ANKS1B: variants seen among roughly 807,000 people sequenced by gnomAD.
ANKS1B encodes the protein ankyrin repeat and sterile alpha motif domain containing 1B, also known as ankyrin repeat and sterile alpha motif domain-containing protein 1B.
A neutral mutation model predicts 148.3 loss-of-function variants in ANKS1B; 36 were observed. The ratio of observed to expected loss-of-function variants is 0.24; its 90% CI spans 0.19 to 0.32. The LOEUF is 0.32. Ranked by LOEUF, ANKS1B falls within the 10% of genes least tolerant of loss-of-function variation. The pLI, the probability that ANKS1B is intolerant of heterozygous loss-of-function variation, is 1.00. For synonymous variants in ANKS1B, 542 were observed against 560.8 expected (o/e 0.97, Z 0.47); for missense variants, 1,157 against 1,542.6 (o/e 0.75, Z 4.19).
At chr12:99,104,449 T>C (rs1470611500) in intron 15 of ANKS1B, 1 of 152,238 alleles carries the variant, frequency 6.6e-6, no homozygotes, top group Non-Finnish European at 1.5e-5. Flanking sequence ...ATTTCACCAC[T>C]TAGGATCCTC....
intron 8 of ANKS1B, among the ~76,000 whole-genome samples, chr12:99,684,792 T>C (rs1470268753): frequency 2.0e-5 from 3 of 152,106 alleles, no homozygotes; most frequent in Non-Finnish European, 4.4e-5. Flanking sequence ...GCCGGCTTGA[T>C]CTTCAACAAA....
chr12:99,220,933 T>TAA (rs2085027935), intron 14 of ANKS1B, among the ~76,000 whole-genome samples: 1 of 152,178 alleles, frequency 6.6e-6, no homozygotes, highest in East Asian at 1.9e-4. Flanking sequence ...GAAATTATAA[T>TAA]AAGATTCTTA....
intron 4 of ANKS1B, among the ~76,000 whole-genome samples, chr12:99,800,639 A>G (rs767763718): frequency 1.3e-5 from 2 of 152,100 alleles, no homozygotes; most frequent in African/African-American, 2.4e-5. Context: ...CCAAACAACT[A>G]GAAGGATGGC....
At chr12:99,216,684 AT>A (rs1381805334) in intron 14 of ANKS1B, among the ~76,000 whole-genome samples, 1 of 152,176 alleles carries the variant, frequency 6.6e-6, no homozygotes, top group Non-Finnish European at 1.5e-5. Context: ...ATTGGTGAAA[AT>A]ATAGGATCTG....
chr12:99,653,921 C>T (rs1382931113), intron 9 of ANKS1B, among the ~76,000 whole-genome samples: 1 of 152,108 alleles, frequency 6.6e-6, no homozygotes, highest in Non-Finnish European at 1.5e-5. Context: ...TCCTCGGCCT[C>T]CCACAGTGCT....
chr12:99,405,685 C>T (rs2094516068), intron 11 of ANKS1B, among the ~76,000 whole-genome samples: 1 of 143,770 alleles, frequency 7.0e-6, no homozygotes, highest in East Asian at 1.9e-4. Flanking sequence ...AAGTGCTTAT[C>T]ATTAATATCA....
Position 99,502,238 on chromosome 12 carries a change from T to TC in ANKS1B, c.1438+2237dup, listed in dbSNP as rs1213280138. 9.9e-5 allele frequency among the ~76,000 whole-genome samples: 15 copies of TC among 152,060 alleles called. No individual in the cohort carries two copies. The East Asian group carries it at 2.1e-3, about 22-fold the overall frequency. ...TGCATTTTCCTATTTTAATGAAGCT[T>TC]CCCCCCCTGAATATGCTATTTCCCT... is the stretch of plus-strand genomic sequence containing the variant. On this transcript the variant is annotated intron_variant, in intron 10 of 26. Transcript: ENST00000683438.
chr12:98,883,381 A>T (rs1427962956), intron 17 of ANKS1B, among the ~76,000 whole-genome samples: 1 of 152,212 alleles, frequency 6.6e-6, no homozygotes, highest in African/African-American at 2.4e-5. Context: ...CTGGTGTGTG[A>T]TGAAGGCTGA....
chr12:98,990,660 C>G (rs2099926098), intron 17 of ANKS1B, among the ~76,000 whole-genome samples: 1 of 151,700 alleles, frequency 6.6e-6, no homozygotes, highest in Admixed American at 6.6e-5. Context: ...AAAGTCTGGG[C>G]TCTGGAGGAA....
At chr12:98,968,307 G>A (rs2099880319) in intron 17 of ANKS1B, among the ~76,000 whole-genome samples, 1 of 152,132 alleles carries the variant, frequency 6.6e-6, no homozygotes, top group Non-Finnish European at 1.5e-5. Flanking sequence ...ATTTGTAGAA[G>A]TGCAAATTAA....
chr12:99,325,111 T>A (rs1414339870), intron 12 of ANKS1B, among the ~76,000 whole-genome samples: 1 of 152,126 alleles, frequency 6.6e-6, no homozygotes, highest in Non-Finnish European at 1.5e-5. Context: ...TAATGAAGCA[T>A]ATAGGGTCTT....
In ANKS1B at chr12:99,131,100, A is replaced by G. The variant is rs748219835; in HGVS notation, c.2526+23189T>C. Among the ~76,000 whole-genome samples, 4 of 152,208 alleles carry G rather than the reference A, an allele frequency of 2.6e-5. No homozygotes were observed. The East Asian group carries it at 7.7e-4, about 29-fold the overall frequency. ...TCTCTTCCACTTGGTCTGTAGCTCC[A>G]GAAAACCAGTGGCTGTTTGTTGCCT... On this transcript the variant is annotated intron_variant, in intron 15 of 26. Transcript: ENST00000683438.
At chr12:99,591,676 T>C (rs924722693) in intron 9 of ANKS1B, among the ~76,000 whole-genome samples, 6 of 152,148 alleles carry the variant, frequency 3.9e-5, no homozygotes, top group African/African-American at 1.4e-4. Flanking sequence ...TTACCATTGT[T>C]ACCTCGATTC....
At chr12:99,225,949 C>T (rs897916727) in intron 14 of ANKS1B, among the ~76,000 whole-genome samples, 2 of 152,234 alleles carry the variant, frequency 1.3e-5, no homozygotes, top group African/African-American at 4.8e-5. Context: ...AACCCTAATA[C>T]ATGGATTATT....
chr12:98,968,849 A>T (rs2099880856), intron 17 of ANKS1B, among the ~76,000 whole-genome samples: 1 of 152,218 alleles, frequency 6.6e-6, no homozygotes, highest in African/African-American at 2.4e-5. Flanking sequence ...AAAGAAAACC[A>T]AATGATTAAA....
At chr12:99,760,701 A>C (rs931163896) in intron 8 of ANKS1B, among the ~76,000 whole-genome samples, 1 of 151,812 alleles carries the variant, frequency 6.6e-6, no homozygotes, top group Non-Finnish European at 1.5e-5. Flanking sequence ...AAATCAGTGC[A>C]GAAGTGAATG....
chr12:99,104,146 T>A (rs781445024), intron 15 of ANKS1B, among the ~76,000 whole-genome samples: 4 of 152,152 alleles, frequency 2.6e-5, no homozygotes, highest in African/African-American at 9.7e-5. Flanking sequence ...TTGAAAAGAA[T>A]GAGATTGAGG....
chr12:99,492,045 T>A (rs919281906), intron 10 of ANKS1B, among the ~76,000 whole-genome samples: 1 of 151,618 alleles, frequency 6.6e-6, no homozygotes, highest in South Asian at 2.1e-4. Flanking sequence ...AGACAAGAAA[T>A]AACTGAAATC....
intron 15 of ANKS1B, among the ~76,000 whole-genome samples, chr12:99,136,667 G>A (rs1172750325): frequency 6.6e-6 from 1 of 152,142 alleles, no homozygotes; most frequent in Non-Finnish European, 1.5e-5. Context: ...GCATTTGCAT[G>A]TTATATGGAG....
Sources: allele counts gnomAD v4.1 joint callset (sites outside exome capture counted in the v4.1 genomes callset), GRCh38; gene constraint gnomAD v4.1.1; transcripts MANE v1.5; gene names NCBI Gene and HGNC (gene_info 2026-07-23, HGNC 2026-07-21).